Variants in TBKBP1 observed in about 807,000 individuals in gnomAD.
TBKBP1 encodes TANK-binding kinase 1-binding protein 1.
TBKBP1 carries 47 observed loss-of-function variants against 69.9 expected under a neutral mutation model. That is an observed-to-expected ratio of 0.67 (90% CI 0.53 to 0.86). The LOEUF is 0.86. TBKBP1 is among the 40% of genes least tolerant of loss of function. The pLI is 0.00. For missense variants in TBKBP1, 831 were observed against 858.6 expected (o/e 0.97, Z 0.40); for synonymous variants, 418 against 390.3 (o/e 1.07, Z -0.84).
rs530310036 is a variant in TBKBP1, at chr17:47,698,792, C to T, written c.634+17C>T. 5.2e-6 allele frequency: 8 copies of T among 1,526,250 alleles called. No homozygotes were observed. In the African/African-American group the frequency reaches 8.3e-5, roughly 16 times the overall value. 94.5% of individuals were successfully genotyped at this position (1,526,250 alleles called of 1,614,324 possible). On this transcript the variant is annotated intron_variant, in intron 5 of 9. Coordinates refer to ENST00000578982, the MANE Select transcript of TBKBP1 (RefSeq NM_001394755.1). Reference sequence around the variant, plus strand: ...TGAGTCATGGTGAGATCTCAGTGACCCCGACTTACCTCCTAGTCCCCAACC... The same window carrying T: ...TGAGTCATGGTGAGATCTCAGTGACTCCGACTTACCTCCTAGTCCCCAACC...
Position 47,696,279 on chromosome 17 carries a change from G to A in TBKBP1, c.167G>A (p.Gly56Glu). 1 of 1,613,640 alleles carries A rather than the reference G, an allele frequency of 6.2e-7. No homozygotes were observed. The highest frequency in any genetic ancestry group is 8.5e-7 in the Non-Finnish European group (1 of 1,179,868). Residue 56 changes from glycine (G) to glutamate (E), a missense_variant, in exon 2 of 10, where the codon GGG (glycine) becomes GAG (glutamate). Physicochemically the swap from Gly to Glu is moderately conservative, Grantham distance 98 (BLOSUM62 -2). Coordinates refer to ENST00000578982, the MANE Select transcript of TBKBP1 (RefSeq NM_001394755.1). The part of the protein sequence containing the change: ...TAYGDIKERL[G>E]GLERENATLR... ...TACGGAGACATCAAGGAACGGCTGG[G>A]GGGCCTGGAGAGGGAGAACGCCACC...
At position 47,699,728 on chromosome 17, in the gene TBKBP1, G is replaced by A. The variant is rs373366166; in HGVS notation, c.872+31G>A. On this transcript the variant is annotated intron_variant, in intron 7 of 9. Transcript: ENST00000578982. ...TCACATTGGTAACCCTGGTCCCTCC[G>A]TGATGTTTGGGAGACCTCCCCTCCC... 4.8e-5 allele frequency: 77 copies of A among 1,613,718 alleles called. 1 individual carries two copies. The African/African-American group carries it at 6.4e-4, about 13-fold the overall frequency.
chr17:47,699,774 C>A, intron 7 of TBKBP1, 77 bp downstream of exon 7: 1 of 1,547,060 alleles, frequency 6.5e-7, no homozygotes, highest in Non-Finnish European at 8.9e-7. Context: ...GGTGTGGTGT[C>A]TGGGCTGCTG....
At position 47,708,034 on chromosome 17, in the gene TBKBP1, A is replaced by G. The variant is rs16943870; in HGVS notation, c.873-360A>G. ...TAATTCATCATCACAGCTTTTGCAC[A>G]GATTAGAAAAACATTCACACATACC... On this transcript the variant is annotated intron_variant, in intron 7 of 9. Coordinates refer to ENST00000578982, the MANE Select transcript of TBKBP1 (RefSeq NM_001394755.1). This position sits in a 1 kb window ranked among gnomAD's most constrained non-coding sequence, Gnocchi z 4.4. Among the ~76,000 whole-genome samples the G allele has an allele frequency of 0.013, 2,015 of 152,334 alleles. 39 individuals carry two copies. Among genetic ancestry groups the G allele is most frequent in the African/African-American group, 0.047 (1,944 of 41,546 alleles).
chr17:47,695,803 A>G (rs952151023), intron 1 of TBKBP1: 1 of 306,916 alleles, frequency 3.3e-6, no homozygotes, highest in Admixed American at 4.6e-5. Context: ...TTCTGGCAGG[A>G]GCCTGCCCCT....
At position 47,709,026 on chromosome 17, in the gene TBKBP1, GC is replaced by G; in HGVS notation, c.1298del (p.Pro433ArgfsTer20). The G allele has an allele frequency of 2.4e-6, 3 of 1,226,318 alleles. No homozygotes were observed. Among genetic ancestry groups the G allele is most frequent in the South Asian group, 4.6e-5 (2 of 43,082 alleles). The allele number at this position is 1,226,318 out of a possible 1,614,324, so 76.0% of individuals were successfully genotyped here. On this transcript the variant is annotated frameshift_variant, in exon 9 of 10. Transcript: ENST00000578982. LOFTEE classifies it high-confidence loss of function. ...PAPQPRPPPP[P>X]PPGERTLAER... ...CCCCGCAGCCCCGGCCACCGCCGCC[GC>G]CCCCGCCGGGCGAGAGGACGCTGGC...
At chr17:47,699,570 G>A (rs2031406068) in intron 6 of TBKBP1, 66 bp from the exon 7 acceptor site, 1 of 1,613,872 alleles carries the variant, frequency 6.2e-7, no homozygotes, top group Admixed American at 1.7e-5. Flanking sequence ...ACTGGCCCAG[G>A]GAACTGTAGA....
At chr17:47,696,636 TGGG>T in intron 2 of TBKBP1, 72 bp from the exon 3 acceptor site, 1 of 1,605,574 alleles carries the variant, frequency 6.2e-7, no homozygotes, top group Non-Finnish European at 8.5e-7. Flanking sequence ...GGTTGTGGGT[TGGG>T]GGCACAGCCA....
intron 1 of TBKBP1, 49 bp from the exon 2 acceptor site, chr17:47,696,030 A>T: frequency 8.8e-7 from 1 of 1,130,244 alleles, no homozygotes; most frequent in Non-Finnish European, 1.2e-6. Flanking sequence ...GGTACCAGGG[A>T]CAAACCCTAG....
chr17:47,699,037 C>G (rs1017397202), intron 5 of TBKBP1, among the ~76,000 whole-genome samples: 1 of 152,122 alleles, frequency 6.6e-6, no homozygotes, highest in East Asian at 1.9e-4. Flanking sequence ...CCCCCCGCCC[C>G]GTCTCTGGCT....
Position 47,699,637 on chromosome 17 carries a change from A to T in TBKBP1, c.812A>T (p.Asp271Val), listed in dbSNP as rs1471266624. The part of the protein sequence containing the change: ...LKQLQETRAQ[D>V]LASNQSERDM... ...TGACCTCTTCATCTTCTTCCTTAGG[A>T]TCTGGCCTCCAACCAGTCGGAGCGA... The change falls in exon 7 of 10, where the codon GAT becomes GTT. Residue 271 changes from aspartate (D) to valine (V), a missense_variant and splice_region_variant. Coordinates refer to ENST00000578982, the MANE Select transcript of TBKBP1 (RefSeq NM_001394755.1). The T allele has an allele frequency of 2.5e-6, 4 of 1,613,746 alleles. No homozygotes were observed. Among genetic ancestry groups the T allele is most frequent in the African/African-American group, 2.7e-5 (2 of 74,858 alleles).
intron 7 of TBKBP1, among the ~76,000 whole-genome samples, chr17:47,701,325 C>T (rs1369948675): frequency 1.3e-5 from 2 of 151,460 alleles, no homozygotes; most frequent in Non-Finnish European, 2.9e-5. Context: ...AGCCCATGTG[C>T]CCAGACCTGG....
chr17:47,708,717 T>C lies in TBKBP1; in HGVS notation c.992-8T>C. 6.7e-7 allele frequency: 1 copy of C among 1,481,900 alleles called. No individual in the cohort carries two copies. Among genetic ancestry groups the C allele is most frequent in the Non-Finnish European group, 8.9e-7 (1 of 1,121,998 alleles). 91.8% of individuals were successfully genotyped at this position (1,481,900 alleles called of 1,614,324 possible). A position where few individuals can be genotyped will look rare whatever the true frequency, so the allele number is the denominator to read the frequency against. ...TGTCCCCCCACCCCGTCCCGGTTTC[T>C]CTTCCAGGCCAGAGGCACTCGCCGC... is the stretch of plus-strand genomic sequence containing the variant. On this transcript the variant is annotated splice_region_variant and splice_polypyrimidine_tract_variant and intron_variant, in intron 8 of 9. Coordinates refer to ENST00000578982, the MANE Select transcript of TBKBP1 (RefSeq NM_001394755.1). This position sits in a 1 kb window ranked among gnomAD's most constrained non-coding sequence, Gnocchi z 4.4.
At chr17:47,695,781 G>A (rs2031203555) in intron 1 of TBKBP1, 1 of 261,582 alleles carries the variant, frequency 3.8e-6, no homozygotes, top group African/African-American at 2.2e-5. Flanking sequence ...CCCATCCACA[G>A]GTCTCCCTGG....
At chr17:47,703,028 CAG>C (rs1304676920) in intron 7 of TBKBP1, among the ~76,000 whole-genome samples, 2 of 147,940 alleles carry the variant, frequency 1.4e-5, no homozygotes, top group Non-Finnish European at 3.0e-5. Context: ...TCCGAAGGGA[CAG>C]GGGGTCTGTG....
In TBKBP1 at chr17:47,709,402, G is replaced by A. The variant is rs1255009784; in HGVS notation, c.1669G>A (p.Ala557Thr). ...AGFPIPESPA[A>T]TAYAHAEHAQ... Reference sequence around the variant, plus strand: ...CTTCCCCATCCCCGAGTCGCCCGCCGCCACCGCCTACGCCCACGCCGAGCA... The same window carrying A: ...CTTCCCCATCCCCGAGTCGCCCGCCACCACCGCCTACGCCCACGCCGAGCA... Residue 557 changes from alanine to threonine, a missense_variant, in exon 9 of 10, where the codon GCC becomes ACC. Physicochemically the swap from Ala to Thr is moderately conservative, Grantham distance 58. Coordinates refer to ENST00000578982, the MANE Select transcript of TBKBP1 (RefSeq NM_001394755.1). 1 of 1,537,788 alleles carries A rather than the reference G, an allele frequency of 6.5e-7. No individual in the cohort carries two copies. The highest frequency in any genetic ancestry group is 8.7e-7 in the Non-Finnish European group (1 of 1,149,882).
intron 7 of TBKBP1, among the ~76,000 whole-genome samples, chr17:47,705,081 G>A (rs2031651477): frequency 6.6e-6 from 1 of 152,130 alleles, no homozygotes; most frequent in Non-Finnish European, 1.5e-5. Flanking sequence ...CCAGGGAAGG[G>A]GTGGTGATTC....
Position 47,708,718 on chromosome 17 carries a change from C to T in TBKBP1, c.992-7C>T. On this transcript the variant is annotated splice_region_variant and splice_polypyrimidine_tract_variant and intron_variant, in intron 8 of 9. Transcript: ENST00000578982. The surrounding 1 kb of genome is among the most constrained non-coding windows in gnomAD (Gnocchi z 4.4). ...GTCCCCCCACCCCGTCCCGGTTTCT[C>T]TTCCAGGCCAGAGGCACTCGCCGCT... 3.4e-6 allele frequency: 5 copies of T among 1,485,632 alleles called. No individual in the cohort carries two copies. The highest frequency in any genetic ancestry group is 3.6e-6 in the Non-Finnish European group (4 of 1,123,582). 92.0% of individuals were successfully genotyped at this position (1,485,632 alleles called of 1,614,324 possible). A position where few individuals can be genotyped will look rare whatever the true frequency, so the allele number is the denominator to read the frequency against.
chr17:47,709,280 T>A lies in TBKBP1; in HGVS notation c.1547T>A (p.Phe516Tyr). Residue 516 changes from phenylalanine (F) to tyrosine (Y), a missense_variant, in exon 9 of 10, where the codon TTC becomes TAC. Coordinates refer to ENST00000578982, the MANE Select transcript of TBKBP1 (RefSeq NM_001394755.1). ...GCCTTCGAGGGCATCCGGCTGCGCTTCGAGAAGCAGCCGTCGGAGGAGGAC... is the reference window on the plus strand; with the variant it reads ...GCCTTCGAGGGCATCCGGCTGCGCTACGAGAAGCAGCCGTCGGAGGAGGAC... ...RRAFEGIRLR[F>Y]EKQPSEEDEW... is the part of the protein sequence containing the mutation. 2 of 1,525,070 alleles carry A rather than the reference T, an allele frequency of 1.3e-6. No homozygotes were observed. Among genetic ancestry groups the A allele is most frequent in the Non-Finnish European group, 1.7e-6 (2 of 1,144,556 alleles). 94.5% of individuals were successfully genotyped at this position (1,525,070 alleles called of 1,614,324 possible).
Sources: allele counts gnomAD v4.1 joint callset (sites outside exome capture counted in the v4.1 genomes callset), GRCh38; gene constraint gnomAD v4.1.1; non-coding constraint Gnocchi (gnomAD v3.1); transcripts MANE v1.5; gene names NCBI Gene and HGNC (gene_info 2026-07-23, HGNC 2026-07-21).